Variants in PRKN observed in about 807,000 individuals in gnomAD.
The protein encoded by PRKN is parkin RBR E3 ubiquitin protein ligase, also known as E3 ubiquitin-protein ligase parkin.
A neutral mutation model predicts 59.5 loss-of-function variants in PRKN; 56 were observed. The observed-to-expected ratio is 0.94, with a 90% CI of 0.76 to 1.18. PRKN has a LOEUF of 1.18. Among genes scored for constraint, PRKN ranks in the 50% most tolerant of loss-of-function variants. The probability of loss-of-function intolerance (pLI) is 0.00; values close to 1 mark genes in which losing one functional copy is unlikely to be tolerated. For missense variants in PRKN, 657 were observed against 596.4 expected (o/e 1.10, Z -1.06); for synonymous variants, 250 against 222.1 (o/e 1.13, Z -1.12).
chr6:161,635,539 G>A (rs1410991774), intron 7 of PRKN, among the ~76,000 whole-genome samples: 2 of 152,246 alleles, frequency 1.3e-5, no homozygotes, highest in African/African-American at 4.8e-5. Context: ...GGACATCGGT[G>A]TGCAGGCATT....
chr6:161,592,275 T>C lies in PRKN; in HGVS notation c.872-22859A>G, dbSNP rs1781752328. ...GAGGTAATGCTTCATGATTGTTGAA[T>C]GTAGGATTTTGGATATGCAGAAACG... On this transcript the variant is annotated intron_variant, in intron 7 of 11. Transcript: ENST00000366898. This position sits in a 1 kb window ranked among gnomAD's most constrained non-coding sequence, Gnocchi z 4.8. Among the ~76,000 whole-genome samples the C allele has an allele frequency of 6.6e-6, 1 of 152,188 alleles. No homozygotes were observed. The highest frequency in any genetic ancestry group is 6.5e-5 in the Admixed American group (1 of 15,288).
At chr6:161,916,436 T>C (rs1325496842) in intron 6 of PRKN, among the ~76,000 whole-genome samples, 1 of 152,216 alleles carries the variant, frequency 6.6e-6, no homozygotes, top group African/African-American at 2.4e-5. Context: ...AGTAAAAATA[T>C]TAAGTAGAAA....
chr6:162,378,579 C>A (rs1164702192), intron 2 of PRKN, among the ~76,000 whole-genome samples: 4 of 152,200 alleles, frequency 2.6e-5, no homozygotes, highest in Admixed American at 6.5e-5. Flanking sequence ...TATAGTTAGT[C>A]TTGTATTTTC....
intron 6 of PRKN, among the ~76,000 whole-genome samples, chr6:161,915,619 C>T (rs748029726): frequency 2.6e-4 from 40 of 152,168 alleles, no homozygotes; most frequent in Admixed American, 5.9e-4. Context: ...TGTTGTAGAA[C>T]CAGAACATTT....
chr6:162,621,289 T>C (rs925774211), intron 1 of PRKN, among the ~76,000 whole-genome samples: 3 of 152,196 alleles, frequency 2.0e-5, no homozygotes, highest in Non-Finnish European at 4.4e-5. Context: ...AAGTAGCGAC[T>C]TGAAAATGCC....
At chr6:162,553,726 T>C (rs1462205020) in intron 1 of PRKN, among the ~76,000 whole-genome samples, 2 of 141,786 alleles carry the variant, frequency 1.4e-5, no homozygotes, top group East Asian at 4.4e-4. Context: ...TCTCTTGAAC[T>C]TGGAGGCGGA....
chr6:161,486,060 T>C (rs983396996), intron 9 of PRKN, among the ~76,000 whole-genome samples: 8 of 151,998 alleles, frequency 5.3e-5, no homozygotes, highest in Non-Finnish European at 1.2e-4. Context: ...GAAACCCATT[T>C]TTTAGAAACA....
intron 9 of PRKN, among the ~76,000 whole-genome samples, chr6:161,478,624 C>T (rs554451911): frequency 9.2e-5 from 14 of 152,308 alleles, no homozygotes; most frequent in African/African-American, 3.4e-4. Flanking sequence ...GTGGGTGGAT[C>T]ATGTGAGTCC....
chr6:162,046,340 C>T (rs1371290334), intron 5 of PRKN, among the ~76,000 whole-genome samples: 1 of 152,228 alleles, frequency 6.6e-6, no homozygotes, highest in Admixed American at 6.5e-5. Context: ...TTTTGTTCTA[C>T]TGCACATAAA....
At chr6:162,335,440 T>C (rs529127315) in intron 2 of PRKN, among the ~76,000 whole-genome samples, 2 of 152,180 alleles carry the variant, frequency 1.3e-5, no homozygotes, top group African/African-American at 2.4e-5. Context: ...AAAACACTCA[T>C]GGGTTGCACT....
At chr6:161,375,169 G>A (rs192983037) in intron 10 of PRKN, among the ~76,000 whole-genome samples, 133 of 152,284 alleles carry the variant, frequency 8.7e-4, no homozygotes, top group African/African-American at 3.2e-3. Context: ...CCTGGGGGTG[G>A]AGGGAACCCC....
intron 2 of PRKN, among the ~76,000 whole-genome samples, chr6:162,438,840 CTT>C (rs1789907723): frequency 6.6e-6 from 1 of 152,182 alleles, no homozygotes; most frequent in Non-Finnish European, 1.5e-5. Context: ...CTCTTGCAAA[CTT>C]TGGAAGTTTC....
intron 3 of PRKN, among the ~76,000 whole-genome samples, chr6:162,213,656 G>T (rs1345771261): frequency 5.3e-5 from 8 of 152,056 alleles, no homozygotes; most frequent in Admixed American, 4.6e-4. Flanking sequence ...AATTGCTTGA[G>T]CCTGGGAGGT....
At chr6:161,573,747 AAAAAAAAAATATATATAT>A (rs1781002400) in intron 7 of PRKN, among the ~76,000 whole-genome samples, 2 of 34,230 alleles carry the variant, frequency 5.8e-5, no homozygotes, top group Non-Finnish European at 9.3e-5. Context: ...AAAAAAAAAA[AAAAAAAAAATATATATAT>A]ATATATATAT....
chr6:161,933,953 GGA>G (rs1248712013), intron 6 of PRKN, among the ~76,000 whole-genome samples: 1 of 152,234 alleles, frequency 6.6e-6, no homozygotes, highest in African/African-American at 2.4e-5. Context: ...TACACCACTT[GGA>G]GAGTGAATTG....
intron 1 of PRKN, among the ~76,000 whole-genome samples, chr6:162,608,678 T>A (rs146286581): frequency 6.6e-6 from 1 of 152,310 alleles, no homozygotes; most frequent in African/African-American, 2.4e-5. Context: ...TAAACATTCA[T>A]GACTTGAAGG....
rs1781251008 is a variant in PRKN at position 161,579,307 on chromosome 6, CTTAGG to C, written c.872-9896_872-9892del. Among the ~76,000 whole-genome samples the C allele has an allele frequency of 6.6e-6, 1 of 152,120 alleles. No homozygotes were observed. Among genetic ancestry groups the C allele is most frequent in the Non-Finnish European group, 1.5e-5 (1 of 68,042 alleles). The stretch of plus-strand genomic sequence containing the variant: ...CAAGTGGGTGTAACCAAAAAGGGCA[CTTAGG>C]TTAGGCACATCCCTGTCAGATAAGG... On this transcript the variant is annotated intron_variant, in intron 7 of 11. Coordinates refer to ENST00000366898, the MANE Select transcript of PRKN (RefSeq NM_004562.3). The surrounding 1 kb of genome is among the most constrained non-coding windows in gnomAD (Gnocchi z 4.2).
intron 4 of PRKN, among the ~76,000 whole-genome samples, chr6:162,163,251 A>T (rs1265089003): frequency 6.7e-6 from 1 of 149,216 alleles, no homozygotes; most frequent in Admixed American, 6.7e-5. Context: ...CAGGAATCAC[A>T]GGACATCTCA....
At chr6:161,885,556 TC>T (rs1795111574) in intron 6 of PRKN, among the ~76,000 whole-genome samples, 3 of 151,342 alleles carry the variant, frequency 2.0e-5, no homozygotes, top group Admixed American at 1.3e-4. Flanking sequence ...TCCCAGCTGC[TC>T]GGGAGGCTGA....
Sources: allele counts gnomAD v4.1 joint callset (sites outside exome capture counted in the v4.1 genomes callset), GRCh38; gene constraint gnomAD v4.1.1; non-coding constraint Gnocchi (gnomAD v3.1); transcripts MANE v1.5; gene names NCBI Gene and HGNC (gene_info 2026-07-23, HGNC 2026-07-21).